The following ABCG5 variants were observed in gnomAD, a reference collection of about 807,000 sequenced individuals.
ABCG5 encodes the protein ATP-binding cassette sub-family G member 5.
Under a neutral mutation model 64.5 loss-of-function variants are expected in ABCG5, and 64 were observed. That is an observed-to-expected ratio of 0.99 (90% CI 0.81 to 1.22). The LOEUF (loss-of-function observed/expected upper bound fraction) is 1.22, where lower values mean the gene tolerates loss of function less well. ABCG5 is among the 50% of genes most tolerant of loss of function. The pLI is 0.00. For missense variants in ABCG5, 908 were observed against 829.5 expected (o/e 1.09, Z -1.16); for synonymous variants, 385 against 326.3 (o/e 1.18, Z -1.94).
rs767751451 is a variant in ABCG5, at chr2:43,828,074, T to C, written c.543A>G (p.Ala181=). The C allele has an allele frequency of 6.2e-6, 10 of 1,614,132 alleles. No homozygotes were observed. The highest frequency in any genetic ancestry group is 7.6e-6 in the Non-Finnish European group (9 of 1,180,022). ...VMAELSLSHV[A]DRLIGNYSLG... ...AGCTGTAGTTGCCAATCAGTCGGTC[T>C]GCCACATGGCTCAGACTCAGCTCTG... is the stretch of plus-strand genomic sequence containing the variant. Residue 181 remains alanine (A), a synonymous_variant, in exon 5 of 13, where the codon GCA becomes GCG. Transcript: ENST00000405322.
At chr2:43,812,441 C>T (rs1311264219), downstream of ABCG5, 1 of 146,766 alleles carries the variant, frequency 6.8e-6, no homozygotes, top group Non-Finnish European at 1.5e-5. Flanking sequence ...TCTTTAAAAA[C>T]ATAACCAGAG....
chr2:43,821,532 C>T (rs1043819424), intron 10 of ABCG5, among the ~76,000 whole-genome samples: 6 of 152,298 alleles, frequency 3.9e-5, no homozygotes, highest in South Asian at 2.1e-4. Context: ...CCCTCACTGC[C>T]GCAGATGCTG....
At chr2:43,834,107 T>A (rs1668114948) in intron 2 of ABCG5, among the ~76,000 whole-genome samples, 1 of 152,228 alleles carries the variant, frequency 6.6e-6, no homozygotes, top group African/African-American at 2.4e-5. Context: ...AGCCCCTGCG[T>A]GTTCAGGAGG....
chr2:43,826,319 C>G, intron 6 of ABCG5, 63 bp downstream of exon 6: 1 of 1,610,820 alleles, frequency 6.2e-7, no homozygotes, highest in Non-Finnish European at 8.5e-7. Context: ...AATCTTGCCC[C>G]TGCCCCTGTG....
chr2:43,808,547 G>T (rs1263281006), downstream of ABCG5, among the ~76,000 whole-genome samples: 2 of 152,174 alleles, frequency 1.3e-5, no homozygotes, highest in Non-Finnish European at 2.9e-5. Flanking sequence ...GAGGCCAAGA[G>T]GCATCCCCTT....
intron 4 of ABCG5, among the ~76,000 whole-genome samples, chr2:43,829,397 A>T (rs1162048461): frequency 6.6e-6 from 1 of 152,178 alleles, no homozygotes; most frequent in Non-Finnish European, 1.5e-5. Flanking sequence ...ATGGGGACCC[A>T]ATTTATAACC....
chr2:43,835,639 T>C (rs893165107), intron 2 of ABCG5, among the ~76,000 whole-genome samples: 3 of 152,252 alleles, frequency 2.0e-5, no homozygotes, highest in African/African-American at 4.8e-5. Flanking sequence ...AAGATTATGA[T>C]ATTACGAGGT....
Position 43,823,996 on chromosome 2 carries a change from C to A in ABCG5, c.1241G>T (p.Gly414Val). The A allele has an allele frequency of 6.2e-7, 1 of 1,614,200 alleles. No individual in the cohort carries two copies. The highest frequency in any genetic ancestry group is 1.1e-5 in the South Asian group (1 of 91,080). The change falls in exon 9 of 13, where the codon GGT becomes GTT. Residue 414 changes from glycine to valine, a missense_variant. Transcript: ENST00000405322. ...GAGACCTACGCGGTCCTGGATAGCA[C>A]CCTTTAGCACATTGCTTCGGACCCG... Reference protein sequence around the residue: ...VLRVRSNVLKGAIQDRVGLLY... With the variant: ...VLRVRSNVLKVAIQDRVGLLY...
chr2:43,809,686 A>T, downstream of ABCG5: 1 of 1,582,422 alleles, frequency 6.3e-7, no homozygotes, highest in South Asian at 1.1e-5. Context: ...TCTTAAAGTG[A>T]TACATATTTT....
chr2:43,835,890 T>C (rs1047334724), intron 2 of ABCG5, among the ~76,000 whole-genome samples: 7 of 152,256 alleles, frequency 4.6e-5, no homozygotes, highest in Non-Finnish European at 7.3e-5. Context: ...ACCCAGTCTA[T>C]GGTATTTTGT....
intron 2 of ABCG5, among the ~76,000 whole-genome samples, chr2:43,835,192 A>G (rs1226788545): frequency 6.6e-6 from 1 of 150,814 alleles, no homozygotes; most frequent in Non-Finnish European, 1.5e-5. Flanking sequence ...CCCCACCCCA[A>G]TCAAGAGCCC....
chr2:43,815,510 C>T (rs973656857), intron 11 of ABCG5, among the ~76,000 whole-genome samples: 2 of 152,198 alleles, frequency 1.3e-5, no homozygotes, highest in Admixed American at 6.5e-5. Context: ...TATGGTTTCA[C>T]CTATTTGCAA....
At position 43,822,477 on chromosome 2, in the gene ABCG5, G is replaced by GCCCCC. The variant is rs397781046; in HGVS notation, c.1463+319_1463+320insGGGGG. Reference sequence around the variant, plus strand: ...TCAGGCTGCTTTCTCCCCTCCCCCAGGCCCCCCCCCATGCACCTGGGTCCT... The same window carrying GCCCCC: ...TCAGGCTGCTTTCTCCCCTCCCCCAGCCCCCGCCCCCCCCCATGCACCTGGGTCCT... On this transcript the variant is annotated intron_variant, in intron 10 of 12. Coordinates refer to ENST00000405322, the MANE Select transcript of ABCG5 (RefSeq NM_022436.3). 43 of 349,944 alleles carry GCCCCC rather than the reference G, an allele frequency of 1.2e-4. No individual in the cohort carries two copies. In the African/African-American group the frequency reaches 1.2e-3, roughly 10 times the overall value. The allele number at this position is 349,944 out of a possible 1,614,324, so 21.7% of individuals were successfully genotyped here.
chr2:43,812,865 T>C lies in ABCG5; in HGVS notation c.*251A>G. 2.0e-6 allele frequency: 1 copy of C among 507,880 alleles called. No individual in the cohort carries two copies. The highest frequency in any genetic ancestry group is 2.3e-5 in the South Asian group (1 of 44,274). The allele number at this position is 507,880 out of a possible 1,614,324, so 31.5% of individuals were successfully genotyped here. Reference sequence around the variant, plus strand: ...CATAGGTTTATGAATATTATTTACATTCTTGGGTCCGCTCAGTCACAATTT... The same window carrying C: ...CATAGGTTTATGAATATTATTTACACTCTTGGGTCCGCTCAGTCACAATTT... On this transcript the variant is annotated 3_prime_UTR_variant, in exon 13 of 13. Transcript: ENST00000405322.
In ABCG5 at chr2:43,823,202, G is replaced by A. The variant is rs115135111; in HGVS notation, c.1325-267C>T. ...AAGTGGGGAGTTGTCACCAATTCACGAAAAGTACATGCAAAAGGGGCATGA... is the reference window on the plus strand; with the variant it reads ...AAGTGGGGAGTTGTCACCAATTCACAAAAAGTACATGCAAAAGGGGCATGA... On this transcript the variant is annotated intron_variant, in intron 9 of 12. Coordinates refer to ENST00000405322, the MANE Select transcript of ABCG5 (RefSeq NM_022436.3). Among the ~76,000 whole-genome samples the A allele has an allele frequency of 7.5e-3, 1,135 of 152,156 alleles. 11 individuals are homozygous for A. The highest frequency in any genetic ancestry group is 0.021 in the African/African-American group (879 of 41,518).
At chr2:43,830,813 G>T (rs1370184185) in intron 4 of ABCG5, among the ~76,000 whole-genome samples, 1 of 152,212 alleles carries the variant, frequency 6.6e-6, no homozygotes, top group Admixed American at 6.5e-5. Context: ...TCCCCGGTGG[G>T]TTTACCTGTG....
intron 11 of ABCG5, among the ~76,000 whole-genome samples, chr2:43,819,702 G>C (rs1667063931): frequency 6.6e-6 from 1 of 152,116 alleles, no homozygotes; most frequent in African/African-American, 2.4e-5. Flanking sequence ...AAACTTGTTA[G>C]TTCCTGATTC....
At chr2:43,838,837 TCTGATGTAC>T (rs1668449892) in exon 1 of ABCG5, 2 of 1,390,916 alleles carry the variant, frequency 1.4e-6, no homozygotes, top group African/African-American at 1.4e-5. This position sits in a 1 kb window ranked among gnomAD's most constrained non-coding sequence, Gnocchi z 4.2. Flanking sequence ...GAGACCATTA[TCTGATGTAC>T]CTTTAGCCAG....
At chr2:43,831,709 G>A (rs1344248071) in intron 4 of ABCG5, 60 bp downstream of exon 4, 6 of 1,466,990 alleles carry the variant, frequency 4.1e-6, no homozygotes, top group Non-Finnish European at 3.7e-6. Flanking sequence ...GAAGAGAGGA[G>A]GGCAGCGGGG....
Sources: gnomAD v4.1 joint callset for allele counts (sites outside exome capture counted in the v4.1 genomes callset) on GRCh38, gnomAD v4.1.1 for gene constraint, Gnocchi (gnomAD v3.1) non-coding constraint, MANE v1.5 for transcripts, NCBI Gene and HGNC (gene_info 2026-07-23, HGNC 2026-07-21) for gene names.